The following LGR6 variants were observed in gnomAD, a reference collection of about 807,000 sequenced individuals.
LGR6 encodes leucine-rich repeat-containing G protein-coupled receptor 6.
Under a neutral mutation model 69.4 loss-of-function variants are expected in LGR6, and 45 were observed. That is an observed-to-expected ratio of 0.65 (90% CI 0.51 to 0.83). The LOEUF is 0.83. Ranked by LOEUF, LGR6 falls within the 40% of genes least tolerant of loss-of-function variation. LGR6 has a pLI of 0.00. For synonymous variants in LGR6, 538 were observed against 555.0 expected (o/e 0.97, Z 0.43); for missense variants, 1,108 against 1,246.7 (o/e 0.89, Z 1.68).
intron 4 of LGR6, among the ~76,000 whole-genome samples, chr1:202,265,531 G>A (rs990716994): frequency 3.3e-5 from 5 of 152,226 alleles, no homozygotes; most frequent in Non-Finnish European, 7.3e-5. Context: ...GTGGGGGTGG[G>A]CAGGAATCGG....
rs182831863 is a variant in LGR6 at position 202,275,316 on chromosome 1, G to A, written c.429-990G>A. ...TTGTCTGGTCCCTGTGAGACCATCT[G>A]CTTAGGGCAATAGGGGTTCAGCCCA... is the stretch of plus-strand genomic sequence containing the variant. On this transcript the variant is annotated intron_variant, in intron 4 of 17. Coordinates refer to ENST00000367278, the MANE Select transcript of LGR6 (RefSeq NM_001017403.2). Among the ~76,000 whole-genome samples, 365 of 152,308 alleles carry A rather than the reference G, an allele frequency of 2.4e-3. 3 individuals are homozygous for A. The highest frequency in any genetic ancestry group is 8.5e-3 in the African/African-American group (352 of 41,562).
At chr1:202,203,920 C>T in intron 1 of LGR6, 2 of 1,402,828 alleles carry the variant, frequency 1.4e-6, no homozygotes, top group East Asian at 2.3e-5. Flanking sequence ...GGGTGTTTAG[C>T]ACAGAGGGGG....
chr1:202,266,352 G>A (rs1057277022), intron 4 of LGR6, among the ~76,000 whole-genome samples: 9 of 152,144 alleles, frequency 5.9e-5, no homozygotes, highest in East Asian at 5.8e-4. Context: ...CTCTTGAAGC[G>A]AACCCCTCCT....
At chr1:202,269,777 AGAG>A (rs1169067547) in intron 4 of LGR6, among the ~76,000 whole-genome samples, 2 of 152,148 alleles carry the variant, frequency 1.3e-5, no homozygotes, top group Non-Finnish European at 2.9e-5. Context: ...ATGGAACAGA[AGAG>A]GAGGACACCT....
At chr1:202,216,641 A>G (rs1329618259) in intron 1 of LGR6, among the ~76,000 whole-genome samples, 3 of 152,082 alleles carry the variant, frequency 2.0e-5, no homozygotes, top group Non-Finnish European at 4.4e-5. Context: ...AGTAGAGAGC[A>G]GAGGGGGCCC....
At chr1:202,196,948 G>A (rs984148462) in intron 1 of LGR6, 9 of 499,154 alleles carry the variant, frequency 1.8e-5, no homozygotes, top group East Asian at 1.1e-4. Context: ...GTTGGGGATC[G>A]GGAGGGAGAG....
intron 1 of LGR6, chr1:202,194,707 G>T (rs1212038766): frequency 7.1e-6 from 2 of 280,826 alleles, no homozygotes; most frequent in Non-Finnish European, 1.4e-5. Flanking sequence ...CGTGGGGGCG[G>T]GGGGGGCGGG....
intron 1 of LGR6, among the ~76,000 whole-genome samples, chr1:202,203,206 CTGAGT>C (rs1001596034): frequency 2.6e-5 from 4 of 152,120 alleles, no homozygotes; most frequent in African/African-American, 9.7e-5. Flanking sequence ...GCCCCCCTAC[CTGAGT>C]TATTATTGGC....
chr1:202,295,869 T>TTGTGTGTG (rs1491348942), intron 6 of LGR6, among the ~76,000 whole-genome samples: 1 of 116,496 alleles, frequency 8.6e-6, no homozygotes, highest in African/African-American at 3.4e-5. Flanking sequence ...ATTGGGTAAT[T>TTGTGTGTG]AGTGTGTGTG....
chr1:202,198,668 GTT>G (rs56275558), intron 1 of LGR6, among the ~76,000 whole-genome samples: 84,121 of 128,492 alleles, frequency 0.65, 24,552 homozygotes, highest in South Asian at 0.78. Context: ...GTAATTTTAG[GTT>G]TTTTTTTTTT....
intron 9 of LGR6, among the ~76,000 whole-genome samples, chr1:202,301,536 G>A (rs1319452422): frequency 6.6e-6 from 1 of 152,156 alleles, no homozygotes. Flanking sequence ...TCCTGTTCAC[G>A]GTAGCTTTTC....
chr1:202,297,661 C>A, intron 7 of LGR6, 85 bp downstream of exon 7: 2 of 1,008,974 alleles, frequency 2.0e-6, no homozygotes, highest in Non-Finnish European at 3.0e-6. Flanking sequence ...CATGCTCTTA[C>A]CTCCTCACCT....
intron 4 of LGR6, among the ~76,000 whole-genome samples, chr1:202,241,925 C>T (rs1428529947): frequency 6.6e-6 from 1 of 152,126 alleles, no homozygotes; most frequent in African/African-American, 2.4e-5. Context: ...CAGTACCAGA[C>T]TCCAAACTGA....
chr1:202,255,526 A>G (rs1271808355), intron 4 of LGR6, among the ~76,000 whole-genome samples: 2 of 151,916 alleles, frequency 1.3e-5, no homozygotes, highest in Non-Finnish European at 2.9e-5. Context: ...TCCGTGGAGC[A>G]CTCCCTTGCC....
At chr1:202,236,095 C>A (rs1661523966) in intron 4 of LGR6, 102 bp downstream of exon 4, 1 of 915,678 alleles carries the variant, frequency 1.1e-6, no homozygotes, top group Non-Finnish European at 1.7e-6. Context: ...TGCAGGCGCC[C>A]CCTCTCCCAG....
intron 3 of LGR6, among the ~76,000 whole-genome samples, chr1:202,230,162 C>T (rs532438579): frequency 3.2e-4 from 49 of 152,248 alleles, no homozygotes; most frequent in African/African-American, 1.2e-3. Flanking sequence ...TGGTCCTTCT[C>T]TCCCGAGGCA....
chr1:202,319,125 A>G lies in LGR6; in HGVS notation c.2822A>G (p.Glu941Gly). Residue 941 changes from glutamate (E) to glycine (G), a missense_variant, in exon 18 of 18, where the codon GAG (glutamate) becomes GGG (glycine). By Grantham distance (98) the Glu-to-Gly change is moderately conservative. Coordinates refer to ENST00000367278, the MANE Select transcript of LGR6 (RefSeq NM_001017403.2). The part of the protein sequence containing the change: ...SMDGELLLRA[E>G]GSTPAGGGLS... ...GATGGAGAACTGCTGCTGAGGGCAG[A>G]GGGATCTACGCCAGCAGGTGGAGGC... 1 of 1,614,236 alleles carries G rather than the reference A, an allele frequency of 6.2e-7. No homozygotes were observed. The highest frequency in any genetic ancestry group is 8.5e-7 in the Non-Finnish European group (1 of 1,180,030).
chr1:202,260,329 G>A (rs1035347194), intron 4 of LGR6, among the ~76,000 whole-genome samples: 2 of 151,824 alleles, frequency 1.3e-5, no homozygotes, highest in East Asian at 1.9e-4. Flanking sequence ...GTGAGCCACC[G>A]CTCCTGGACT....
Position 202,318,314 on chromosome 1 carries a change from G to A in LGR6, c.2011G>A (p.Val671Ile), listed in dbSNP as rs763458876. 3.3e-5 allele frequency: 52 copies of A among 1,592,952 alleles called. No homozygotes were observed. The South Asian group carries it at 3.5e-4, about 11-fold the overall frequency. ...GGCCGCAGTGCAGTGCAGCGTCTCC[G>A]TCTCCTGTGTCCGGGCCTATGGGAA... Reference protein sequence around the residue: ...TLAAVQCSVSVSCVRAYGKSP... With the variant: ...TLAAVQCSVSISCVRAYGKSP... Residue 671 changes from valine to isoleucine, a missense_variant, in exon 18 of 18, where the codon GTC (valine) becomes ATC (isoleucine). By Grantham distance (29) the Val-to-Ile change is conservative. Coordinates refer to ENST00000367278, the MANE Select transcript of LGR6 (RefSeq NM_001017403.2).
Sources: allele counts gnomAD v4.1 joint callset (sites outside exome capture counted in the v4.1 genomes callset), GRCh38; gene constraint gnomAD v4.1.1; transcripts MANE v1.5; gene names NCBI Gene and HGNC (gene_info 2026-07-23, HGNC 2026-07-21).